Variants in NEGR1 observed in about 807,000 individuals in gnomAD.
The protein encoded by NEGR1 is neuronal growth regulator 1.
In NEGR1, 10 loss-of-function variants were observed where a neutral mutation model predicts 40.9. The observed-to-expected ratio is 0.24, with a 90% CI of 0.15 to 0.42. The LOEUF (loss-of-function observed/expected upper bound fraction) is 0.42. NEGR1 is among the 10% of genes least tolerant of loss of function. The pLI is 1.00. For missense variants in NEGR1, 352 were observed against 438.9 expected, an observed-to-expected ratio of 0.80 and a Z score of 1.77; for synonymous variants, 185 against 166.8, an observed-to-expected ratio of 1.11 and a Z score of -0.84.
chr1:72,006,516 T>G (rs944399786), intron 1 of NEGR1, among the ~76,000 whole-genome samples: 1 of 152,174 alleles, frequency 6.6e-6, no homozygotes, highest in African/African-American at 2.4e-5. Flanking sequence ...CACAGCATAA[T>G]GCTGCTTAGG....
At chr1:71,886,295 T>C (rs1260632439) in intron 2 of NEGR1, among the ~76,000 whole-genome samples, 1 of 152,160 alleles carries the variant, frequency 6.6e-6, no homozygotes, top group Non-Finnish European at 1.5e-5. Context: ...TATTAGTGTT[T>C]GCTATAGAAA....
intron 4 of NEGR1, among the ~76,000 whole-genome samples, chr1:71,676,814 C>A (rs1349335867): frequency 6.6e-6 from 1 of 152,136 alleles, no homozygotes; most frequent in Non-Finnish European, 1.5e-5. Context: ...CAAAAAAATT[C>A]TGAGTGAAGG....
At chr1:71,588,671 T>C (rs2101515515) in intron 6 of NEGR1, among the ~76,000 whole-genome samples, 1 of 152,302 alleles carries the variant, frequency 6.6e-6, no homozygotes, top group East Asian at 1.9e-4. Flanking sequence ...GCCTAAAGCC[T>C]ACAGGCCATG....
At chr1:72,022,166 A>T (rs1423726706) in intron 1 of NEGR1, among the ~76,000 whole-genome samples, 2 of 150,950 alleles carry the variant, frequency 1.3e-5, no homozygotes, top group Non-Finnish European at 3.0e-5. Flanking sequence ...AATAGAAATA[A>T]GAGAAAGACT....
intron 6 of NEGR1, among the ~76,000 whole-genome samples, chr1:71,431,055 CT>C (rs565252443): frequency 2.5e-4 from 35 of 141,122 alleles, no homozygotes; most frequent in African/African-American, 4.8e-4. Context: ...CCAAAAAAGA[CT>C]TTTTTTTTTA....
intron 3 of NEGR1, among the ~76,000 whole-genome samples, chr1:71,763,395 C>T (rs1172983881): frequency 6.6e-6 from 1 of 152,078 alleles, no homozygotes; most frequent in South Asian, 2.1e-4. Flanking sequence ...TCTTCATGCC[C>T]CATTGGGAAA....
At chr1:71,535,794 A>G (rs182811038) in intron 6 of NEGR1, among the ~76,000 whole-genome samples, 86 of 151,818 alleles carry the variant, frequency 5.7e-4, no homozygotes, top group African/African-American at 2.0e-3. Flanking sequence ...GTGAGTTAGA[A>G]AGGACTCAGA....
chr1:71,783,695 T>C (rs1023962830), intron 2 of NEGR1, among the ~76,000 whole-genome samples: 1 of 152,192 alleles, frequency 6.6e-6, no homozygotes, highest in Non-Finnish European at 1.5e-5. Context: ...AGTTCAAACT[T>C]TGAATTATGT....
intron 2 of NEGR1, among the ~76,000 whole-genome samples, chr1:71,805,418 C>T (rs1002601904): frequency 6.6e-5 from 10 of 152,122 alleles, no homozygotes; most frequent in African/African-American, 1.7e-4. Flanking sequence ...ATGTCTCCCC[C>T]GGACACCCAG....
At chr1:71,907,591 G>A (rs1661311880) in intron 2 of NEGR1, among the ~76,000 whole-genome samples, 1 of 152,066 alleles carries the variant, frequency 6.6e-6, no homozygotes, top group Non-Finnish European at 1.5e-5. Context: ...ACTGTGGAAA[G>A]CACTTTGGAA....
At chr1:71,607,796 C>T (rs375787491) in intron 5 of NEGR1, among the ~76,000 whole-genome samples, 308 of 152,156 alleles carry the variant, frequency 2.0e-3, no homozygotes, top group African/African-American at 7.0e-3. Flanking sequence ...TGGGTTCAAG[C>T]GATTCTCCTG....
intron 1 of NEGR1, among the ~76,000 whole-genome samples, chr1:72,025,348 G>A (rs1197345889): frequency 6.6e-6 from 1 of 152,080 alleles, no homozygotes; most frequent in African/African-American, 2.4e-5. Context: ...GAGCATAGGT[G>A]TTTCCAAAAT....
chr1:71,948,496 T>TGTGTGTGTGA (rs1368411356), intron 1 of NEGR1, among the ~76,000 whole-genome samples: 1 of 148,502 alleles, frequency 6.7e-6, no homozygotes, highest in African/African-American at 2.5e-5. Flanking sequence ...TGTGTGTGTG[T>TGTGTGTGTGA]GAGAGAGAGA....
intron 1 of NEGR1, among the ~76,000 whole-genome samples, chr1:71,985,408 T>C (rs1281546621): frequency 1.3e-5 from 2 of 152,300 alleles, no homozygotes; most frequent in East Asian, 3.9e-4. Context: ...ACTTTATGTG[T>C]AATAGTTCAT....
intron 3 of NEGR1, among the ~76,000 whole-genome samples, chr1:71,704,013 TA>T (rs1033366881): frequency 2.0e-5 from 3 of 151,870 alleles, no homozygotes; most frequent in Non-Finnish European, 4.4e-5. Context: ...ACTAAATTGC[TA>T]AAAACCAGAG....
Position 71,497,879 on chromosome 1 carries a change from T to G in NEGR1, c.941-90309A>C, listed in dbSNP as rs1321802084. Reference sequence around the variant, plus strand: ...TTTCATTCAAGACAGAATGCGAAACTATATATCTTCTATGTTTTAGTCAGG... The same window carrying G: ...TTTCATTCAAGACAGAATGCGAAACGATATATCTTCTATGTTTTAGTCAGG... On this transcript the variant is annotated intron_variant, in intron 6 of 6. Coordinates refer to ENST00000357731, the MANE Select transcript of NEGR1 (RefSeq NM_173808.3). Among the ~76,000 whole-genome samples the G allele has an allele frequency of 2.0e-5, 3 of 152,106 alleles. No individual in the cohort carries two copies. In the East Asian group the frequency reaches 5.8e-4, roughly 29 times the overall value.
chr1:71,826,309 T>C (rs1453086210), intron 2 of NEGR1, among the ~76,000 whole-genome samples: 1 of 151,966 alleles, frequency 6.6e-6, no homozygotes, highest in Non-Finnish European at 1.5e-5. Context: ...TTCATGATGA[T>C]AGAGTTTTGA....
intron 1 of NEGR1, among the ~76,000 whole-genome samples, chr1:72,041,406 C>T (rs1400349244): frequency 1.4e-5 from 2 of 143,550 alleles, no homozygotes; most frequent in Non-Finnish European, 3.0e-5. Context: ...ATTCCTAATT[C>T]ATTCCTTCTC....
chr1:72,061,181 A>G (rs1172814115), intron 1 of NEGR1, among the ~76,000 whole-genome samples: 1 of 151,690 alleles, frequency 6.6e-6, no homozygotes, highest in Non-Finnish European at 1.5e-5. Flanking sequence ...AGAAAAAGAT[A>G]ATAACCTCTG....
Sources: allele counts gnomAD v4.1 joint callset (sites outside exome capture counted in the v4.1 genomes callset), GRCh38; gene constraint gnomAD v4.1.1; transcripts MANE v1.5; gene names NCBI Gene and HGNC (gene_info 2026-07-23, HGNC 2026-07-21).